Variants in ARK2N observed in about 807,000 individuals in gnomAD.
ARK2N encodes the protein arkadia (RNF111) N-terminal like PKA signaling regulator 2N.
chr18:46,199,224 C>T, the ARK2N span, among the ~76,000 whole-genome samples: 23 of 152,132 alleles, frequency 1.5e-4, no homozygotes, highest in African/African-American at 5.3e-4. Flanking sequence ...CATCTTTTAC[C>T]TTTCCATGGT....
At chr18:46,233,049 A>C in the ARK2N span, 2 of 152,144 alleles carry the variant, frequency 1.3e-5, no homozygotes, top group East Asian at 3.9e-4. Flanking sequence ...AAATGGTATT[A>C]GTTTCTAGTT....
chr18:46,225,744 GCCA>G, the ARK2N span, among the ~76,000 whole-genome samples: 1 of 152,100 alleles, frequency 6.6e-6, no homozygotes, highest in Admixed American at 6.6e-5. Context: ...ACAGGCTTGA[GCCA>G]CCGAGCCCAG....
the ARK2N span, among the ~76,000 whole-genome samples, chr18:46,186,023 A>C: frequency 6.6e-6 from 1 of 152,008 alleles, no homozygotes; most frequent in Non-Finnish European, 1.5e-5. Context: ...AAAACTTCGA[A>C]AATACCTTAA....
the ARK2N span, among the ~76,000 whole-genome samples, chr18:46,255,091 C>A: frequency 1.3e-5 from 2 of 152,324 alleles, no homozygotes; most frequent in East Asian, 3.9e-4. Context: ...CATTTGCCAG[C>A]ATTTCTTCTG....
chr18:46,216,204 G>C, the ARK2N span: 1 of 1,613,924 alleles, frequency 6.2e-7, no homozygotes, highest in African/African-American at 1.3e-5. The surrounding 1 kb of genome is among the most constrained non-coding windows in gnomAD (Gnocchi z 4.3). Flanking sequence ...ATTCAGATAC[G>C]TTGTCTTCCG....
the ARK2N span, among the ~76,000 whole-genome samples, chr18:46,251,487 A>G: frequency 6.6e-6 from 1 of 152,196 alleles, no homozygotes; most frequent in African/African-American, 2.4e-5. Flanking sequence ...GCAAACTGTG[A>G]TATATAATCT....
At chr18:46,216,608 T>C in the ARK2N span, 3 of 1,593,738 alleles carry the variant, frequency 1.9e-6, no homozygotes, top group Non-Finnish European at 2.6e-6. This position sits in a 1 kb window ranked among gnomAD's most constrained non-coding sequence, Gnocchi z 4.3. Context: ...AGAGGATGTT[T>C]TTTAAACTGA....
chr18:46,263,448 A>G, the ARK2N span: 2 of 196,944 alleles, frequency 1.0e-5, no homozygotes, highest in Admixed American at 1.1e-4. Flanking sequence ...TGCCAGGCAA[A>G]ATGGGTTTCA....
chr18:46,196,355 G>A, the ARK2N span, among the ~76,000 whole-genome samples: 68 of 151,434 alleles, frequency 4.5e-4, no homozygotes, highest in African/African-American at 1.4e-3. Context: ...TCTGCCTGCC[G>A]GGTTCATTCC....
At chr18:46,233,001 G>A in the ARK2N span, 3 of 152,100 alleles carry the variant, frequency 2.0e-5, no homozygotes, top group Admixed American at 2.0e-4. Context: ...CACATTAGGT[G>A]TTCCTGAATC....
At chr18:46,208,582 G>T in the ARK2N span, among the ~76,000 whole-genome samples, 1 of 147,858 alleles carries the variant, frequency 6.8e-6, no homozygotes, top group African/African-American at 2.5e-5. Flanking sequence ...CAGTTCTCCT[G>T]CGTCAGCCCC....
At chr18:46,175,882 G>C in the ARK2N span, among the ~76,000 whole-genome samples, 2,658 of 152,282 alleles carry the variant, frequency 0.017, 73 homozygotes, top group African/African-American at 0.06. Flanking sequence ...ATTGGAGCTG[G>C]AAACTTTCTC....
the ARK2N span, among the ~76,000 whole-genome samples, chr18:46,262,334 A>T: frequency 6.6e-6 from 1 of 152,186 alleles, no homozygotes; most frequent in Non-Finnish European, 1.5e-5. Context: ...CTTTCACGGA[A>T]CCAAATTATA....
the ARK2N span, among the ~76,000 whole-genome samples, chr18:46,187,000 A>G: frequency 6.6e-6 from 1 of 151,162 alleles, no homozygotes; most frequent in Non-Finnish European, 1.5e-5. Flanking sequence ...GATTACAGAC[A>G]TGCGTCATCA....
the ARK2N span, among the ~76,000 whole-genome samples, chr18:46,189,586 C>G: frequency 1.3e-5 from 2 of 152,102 alleles, no homozygotes; most frequent in African/African-American, 4.8e-5. Context: ...CTATGGTGCC[C>G]AGATAAAACC....
chr18:46,197,836 C>T, the ARK2N span, among the ~76,000 whole-genome samples: 1 of 152,188 alleles, frequency 6.6e-6, no homozygotes, highest in Non-Finnish European at 1.5e-5. Flanking sequence ...TTGATTAGGA[C>T]TTATGATTCT....
At chr18:46,193,839 T>C in the ARK2N span, among the ~76,000 whole-genome samples, 1 of 151,982 alleles carries the variant, frequency 6.6e-6, no homozygotes, top group Non-Finnish European at 1.5e-5. Context: ...CCTCAAGTGA[T>C]CTGCCCACCT....
the ARK2N span, chr18:46,264,792 G>C: frequency 7.1e-6 from 1 of 140,230 alleles, no homozygotes; most frequent in African/African-American, 2.7e-5. Flanking sequence ...TGTTGCATTA[G>C]TTCTCCTGTA....
the ARK2N span, among the ~76,000 whole-genome samples, chr18:46,224,444 T>G: frequency 5.6e-3 from 851 of 152,284 alleles, 8 homozygotes; most frequent in African/African-American, 0.019. Flanking sequence ...TGATTGAGTA[T>G]GGGCCAGCTG....
Sources: allele counts gnomAD v4.1 joint callset (sites outside exome capture counted in the v4.1 genomes callset), GRCh38; gene constraint gnomAD v4.1.1; non-coding constraint Gnocchi (gnomAD v3.1); transcripts MANE v1.5; gene names NCBI Gene and HGNC (gene_info 2026-07-23, HGNC 2026-07-21).